Variants in SNX3 observed in about 807,000 individuals in gnomAD.
The protein encoded by SNX3 is sorting nexin-3.
In SNX3, 5 loss-of-function variants were observed where a neutral mutation model predicts 17.7. The ratio of observed to expected loss-of-function variants is 0.28; its 90% confidence interval spans 0.15 to 0.59. The LOEUF (loss-of-function observed/expected upper bound fraction) is 0.59, where lower values mean the gene tolerates loss of function less well. Ranked by LOEUF, SNX3 falls within the 20% of genes least tolerant of loss-of-function variation. The probability of loss-of-function intolerance (pLI) is 0.88; values close to 1 mark genes in which losing one functional copy is unlikely to be tolerated. For missense variants in SNX3, 132 were observed against 206.8 expected (o/e 0.64, Z 2.22); for synonymous variants, 91 against 76.5 (o/e 1.19, Z -0.99).
chr6:108,220,790 C>T (rs2114712399), intron 2 of SNX3, among the ~76,000 whole-genome samples: 1 of 151,970 alleles, frequency 6.6e-6, no homozygotes. Context: ...CCAGCCTGGC[C>T]AACATGATGA....
chr6:108,212,788 A>G (rs1774447386), intron 3 of SNX3, among the ~76,000 whole-genome samples: 2 of 152,020 alleles, frequency 1.3e-5, no homozygotes, highest in South Asian at 2.1e-4. Context: ...TGGCACATGT[A>G]CCCAATTAGC....
At position 108,214,404 on chromosome 6, in the gene SNX3, G is replaced by T. The variant is rs551404067; in HGVS notation, c.383+94C>A. The T allele has an allele frequency of 1.1e-4, 142 of 1,258,572 alleles. No homozygotes were observed. The African/African-American group carries it at 1.9e-3, about 17-fold the overall frequency. 78.0% of individuals were successfully genotyped at this position (1,258,572 alleles called of 1,614,324 possible). ...TGATATGAAAAGTTAGGAAATGGCTGAAAGAAAAGGCAACAGTGCAGTTTA... is the reference window on the plus strand; with the variant it reads ...TGATATGAAAAGTTAGGAAATGGCTTAAAGAAAAGGCAACAGTGCAGTTTA... On this transcript the variant is annotated intron_variant, in intron 3 of 3. Transcript: ENST00000230085.
chr6:108,241,438 T>C (rs1280689293), intron 1 of SNX3, among the ~76,000 whole-genome samples: 1 of 151,916 alleles, frequency 6.6e-6, no homozygotes, highest in Non-Finnish European at 1.5e-5. Flanking sequence ...GGAGGACTGC[T>C]TGAGGCCAGG....
chr6:108,234,205 A>G (rs1010070242), intron 1 of SNX3, among the ~76,000 whole-genome samples: 2 of 151,642 alleles, frequency 1.3e-5, no homozygotes, highest in African/African-American at 4.9e-5. Context: ...CCAGTATTTG[A>G]GTAATCAAGG....
At chr6:108,230,588 C>G (rs1330561262) in intron 1 of SNX3, among the ~76,000 whole-genome samples, 3 of 152,124 alleles carry the variant, frequency 2.0e-5, no homozygotes, top group African/African-American at 7.2e-5. Context: ...CTAGTAAATG[C>G]TGAAGATTCT....
intron 2 of SNX3, among the ~76,000 whole-genome samples, chr6:108,221,112 GA>G (rs1314285291): frequency 6.6e-6 from 1 of 152,094 alleles, no homozygotes; most frequent in African/African-American, 2.4e-5. Flanking sequence ...CAGCCCTACT[GA>G]AATTTCTACT....
chr6:108,226,046 CAAAAAAAAAAAAA>C (rs35559458), intron 1 of SNX3, among the ~76,000 whole-genome samples: 1 of 63,230 alleles, frequency 1.6e-5, no homozygotes, highest in Admixed American at 1.7e-4. Context: ...CCCTCTCTCT[CAAAAAAAAAAAAA>C]AAAAAAAAAA....
At chr6:108,215,523 T>C (rs538443374) in intron 2 of SNX3, among the ~76,000 whole-genome samples, 9 of 152,296 alleles carry the variant, frequency 5.9e-5, no homozygotes, top group Middle Eastern at 3.4e-3. Context: ...CCTGCTGTCT[T>C]TTCCCAAAGA....
chr6:108,247,478 C>T (rs1775726139), intron 1 of SNX3, among the ~76,000 whole-genome samples: 1 of 151,968 alleles, frequency 6.6e-6, no homozygotes, highest in African/African-American at 2.4e-5. Context: ...AGTGATCCTT[C>T]TACCTCAGCC....
chr6:108,212,467 A>C (rs1774436939), intron 3 of SNX3, among the ~76,000 whole-genome samples: 1 of 151,884 alleles, frequency 6.6e-6, no homozygotes, highest in South Asian at 2.1e-4. Context: ...CCCCCTGAGT[A>C]GCTGGGACTA....
intron 2 of SNX3, among the ~76,000 whole-genome samples, chr6:108,218,411 C>T (rs1284472841): frequency 6.6e-6 from 1 of 152,146 alleles, no homozygotes; most frequent in African/African-American, 2.4e-5. Flanking sequence ...AAAAGTAGAA[C>T]CTCACATTGC....
intron 2 of SNX3, among the ~76,000 whole-genome samples, chr6:108,221,044 G>C (rs1774754640): frequency 6.6e-6 from 1 of 151,894 alleles, no homozygotes; most frequent in Non-Finnish European, 1.5e-5. Flanking sequence ...ATATTTTTTG[G>C]TTATTCTTGA....
intron 1 of SNX3, among the ~76,000 whole-genome samples, chr6:108,232,835 T>C (rs548327258): frequency 1.3e-5 from 2 of 152,360 alleles, no homozygotes; most frequent in African/African-American, 2.4e-5. Flanking sequence ...GTACTTTTGA[T>C]ACCTGTTTTA....
At chr6:108,220,958 G>C (rs932473154) in intron 2 of SNX3, among the ~76,000 whole-genome samples, 2 of 151,760 alleles carry the variant, frequency 1.3e-5, no homozygotes, top group African/African-American at 2.4e-5. Flanking sequence ...TCCAGAGTGA[G>C]GCTCAGTCTC....
chr6:108,259,608 G>C (rs141360288), intron 1 of SNX3, among the ~76,000 whole-genome samples: 1 of 152,172 alleles, frequency 6.6e-6, no homozygotes, highest in African/African-American at 2.4e-5. Context: ...ATATCTTAAA[G>C]TTTGATTAAC....
chr6:108,219,591 A>G (rs1439818888), intron 2 of SNX3, among the ~76,000 whole-genome samples: 2 of 152,254 alleles, frequency 1.3e-5, no homozygotes, highest in African/African-American at 4.8e-5. Context: ...AGCCTGGGCA[A>G]CAGAGCAAGG....
At chr6:108,239,550 C>T (rs930992139) in intron 1 of SNX3, among the ~76,000 whole-genome samples, 4 of 152,192 alleles carry the variant, frequency 2.6e-5, no homozygotes, top group African/African-American at 9.7e-5. Context: ...CACAAGTTAT[C>T]ACTTACTGAA....
intron 1 of SNX3, 51 bp downstream of exon 1, chr6:108,260,709 G>C: frequency 1.2e-6 from 2 of 1,607,130 alleles, no homozygotes; most frequent in Non-Finnish European, 1.7e-6. Context: ...GAGTGGGGGT[G>C]ACCAGAGCCA....
intron 1 of SNX3, among the ~76,000 whole-genome samples, chr6:108,242,185 T>C (rs1193681345): frequency 6.6e-6 from 1 of 152,108 alleles, no homozygotes; most frequent in Non-Finnish European, 1.5e-5. Flanking sequence ...GAACAGAGCA[T>C]CAGGGACCTG....
Sources: gnomAD v4.1 joint callset for allele counts (sites outside exome capture counted in the v4.1 genomes callset) on GRCh38, gnomAD v4.1.1 for gene constraint, MANE v1.5 for transcripts, NCBI Gene and HGNC (gene_info 2026-07-23, HGNC 2026-07-21) for gene names.